PKD2L2: variants seen among roughly 807,000 people sequenced by gnomAD.
The protein encoded by PKD2L2 is polycystin 2 like 2, transient receptor potential cation channel, also known as polycystin-2-like protein 2.
In PKD2L2, 67 loss-of-function variants were observed where a neutral mutation model predicts 83.9. The observed-to-expected ratio is 0.80, with a 90% CI of 0.66 to 0.98. The LOEUF (loss-of-function observed/expected upper bound fraction) is 0.98. PKD2L2 is among the 50% of genes least tolerant of loss of function. The probability of loss-of-function intolerance (pLI) is 0.00; values close to 1 mark genes in which losing one functional copy is unlikely to be tolerated. For missense variants in PKD2L2, 632 were observed against 717.2 expected, an observed-to-expected ratio of 0.88 and a Z score of 1.36; for synonymous variants, 223 against 237.8, an observed-to-expected ratio of 0.94 and a Z score of 0.57.
At chr5:137,941,598 G>T (rs1761858461) in intron 14 of PKD2L2, among the ~76,000 whole-genome samples, 1 of 152,138 alleles carries the variant, frequency 6.6e-6, no homozygotes, top group Non-Finnish European at 1.5e-5. Flanking sequence ...ACTAGTTAAG[G>T]ATACCACTCC....
intron 8 of PKD2L2, among the ~76,000 whole-genome samples, chr5:137,909,372 A>G (rs1757620354): frequency 6.6e-6 from 1 of 151,964 alleles, no homozygotes; most frequent in African/African-American, 2.4e-5. Flanking sequence ...TCAAATTAGG[A>G]TTTGACATTG....
chr5:137,909,168 G>T (rs1312539134), intron 8 of PKD2L2, among the ~76,000 whole-genome samples: 1 of 152,134 alleles, frequency 6.6e-6, no homozygotes, highest in Non-Finnish European at 1.5e-5. Flanking sequence ...AAGTAGCTAG[G>T]ACTACAGGTG....
chr5:137,890,450 G>A (rs1403925701), intron 1 of PKD2L2, 31 bp from the exon 2 acceptor site: 1 of 1,208,620 alleles, frequency 8.3e-7, no homozygotes, highest in East Asian at 2.4e-5. Context: ...ACATAATAAT[G>A]TAAAGAAAAA....
chr5:137,936,295 C>G, intron 13 of PKD2L2, 25 bp from the exon 14 acceptor site: 6 of 1,518,674 alleles, frequency 4.0e-6, no homozygotes, highest in Non-Finnish European at 5.3e-6. Context: ...CTGACTCATT[C>G]TCTACTTCCT....
At chr5:137,922,260 G>A (rs529074576) in intron 9 of PKD2L2, among the ~76,000 whole-genome samples, 16 of 152,276 alleles carry the variant, frequency 1.1e-4, no homozygotes, top group African/African-American at 2.9e-4. Context: ...TGTCAGGCAC[G>A]GAAGTTATCC....
intron 7 of PKD2L2, among the ~76,000 whole-genome samples, chr5:137,908,133 A>C (rs151017616): frequency 2.0e-5 from 3 of 151,972 alleles, no homozygotes; most frequent in South Asian, 2.1e-4. Context: ...GGGAAATCCT[A>C]TCTCTACAAA....
chr5:137,935,843 A>C lies in PKD2L2; in HGVS notation c.1718A>C (p.Glu573Ala). 1 of 1,612,090 alleles carries C rather than the reference A, an allele frequency of 6.2e-7. No homozygotes were observed. The highest frequency in any genetic ancestry group is 8.5e-7 in the Non-Finnish European group (1 of 1,178,172). ...ATGAAAAAATGGAAAGAGAGGCTTG[A>C]GAAAAAGTATTATTCTATGGAAATT... is the stretch of plus-strand genomic sequence containing the variant. ...EQMKKWKERL[E>A]KKYYSMEIQD... Residue 573 changes from glutamate to alanine, a missense_variant, in exon 13 of 15, where the codon GAG (glutamate) becomes GCG (alanine). By Grantham distance (107) the Glu-to-Ala change is moderately radical. Transcript: ENST00000508883.
At position 137,929,288 on chromosome 5, in the gene PKD2L2, C is replaced by T. The variant is rs945008345; in HGVS notation, c.1671+3359C>T. 1.7e-3 allele frequency among the ~76,000 whole-genome samples: 258 copies of T among 151,642 alleles called. 2 individuals carry two copies. The highest frequency in any genetic ancestry group is 6.0e-3 in the African/African-American group (250 of 41,350). On this transcript the variant is annotated intron_variant, in intron 12 of 14. Transcript: ENST00000508883. ...ACCAGCCTGACAAACATGGAGAAACCCTGTCTCTACTAAAAATTAAAAATT... is the reference window on the plus strand; with the variant it reads ...ACCAGCCTGACAAACATGGAGAAACTCTGTCTCTACTAAAAATTAAAAATT...
chr5:137,935,664 G>C, intron 12 of PKD2L2, 133 bp from the exon 13 acceptor site: 3 of 601,448 alleles, frequency 5.0e-6, no homozygotes, highest in Non-Finnish European at 8.8e-6. Flanking sequence ...AGGGCAAAAA[G>C]TCAGCAGGGC....
chr5:137,918,329 C>T (rs549196045), intron 8 of PKD2L2, among the ~76,000 whole-genome samples: 1 of 152,158 alleles, frequency 6.6e-6, no homozygotes, highest in East Asian at 1.9e-4. Flanking sequence ...TCTTTAATGT[C>T]TGGATCCCAA....
At chr5:137,908,108 G>A (rs963309590) in intron 7 of PKD2L2, among the ~76,000 whole-genome samples, 196 bp downstream of exon 7, 2 of 152,120 alleles carry the variant, frequency 1.3e-5, no homozygotes, top group African/African-American at 4.8e-5. Context: ...GGCCCCAGGA[G>A]TTTGAGACCA....
chr5:137,909,263 AAGTGAAC>A (rs1757612257), intron 8 of PKD2L2, among the ~76,000 whole-genome samples: 1 of 152,028 alleles, frequency 6.6e-6, no homozygotes, highest in East Asian at 1.9e-4. Flanking sequence ...TTCTGGGTTC[AAGTGAAC>A]CTCCTGCCTC....
At chr5:137,935,415 C>G (rs1156785631) in intron 12 of PKD2L2, among the ~76,000 whole-genome samples, 1 of 152,182 alleles carries the variant, frequency 6.6e-6, no homozygotes, top group Non-Finnish European at 1.5e-5. Flanking sequence ...AAAATACCCA[C>G]AGATACACTT....
rs1389413515 is a variant in PKD2L2, at chr5:137,908,807, T to A, written c.1189T>A (p.Ser397Thr). 1 of 1,589,560 alleles carries A rather than the reference T, an allele frequency of 6.3e-7. No homozygotes were observed. Among genetic ancestry groups the A allele is most frequent in the Non-Finnish European group, 8.6e-7 (1 of 1,164,010 alleles). ...ISFNKTMSQL[S>T]STLSRCVKDI... Reference sequence around the variant, plus strand: ...CTTTAACAAGACAATGTCTCAGCTGTCATCAACCTTGTCCCGTTGTGTTAA... The same window carrying A: ...CTTTAACAAGACAATGTCTCAGCTGACATCAACCTTGTCCCGTTGTGTTAA... The change falls in exon 8 of 15, where the codon TCA becomes ACA. Residue 397 changes from serine to threonine, a missense_variant. Ser to Thr is a moderately conservative substitution (Grantham distance 58, BLOSUM62 1). Coordinates refer to ENST00000508883, the MANE Select transcript of PKD2L2 (RefSeq NM_001300921.2).
intron 8 of PKD2L2, 103 bp from the exon 9 acceptor site, chr5:137,921,533 A>G (rs1758906247): frequency 1.4e-6 from 1 of 719,602 alleles, no homozygotes; most frequent in Admixed American, 2.6e-5. Context: ...GAAAGCATAT[A>G]CCATATGCTG....
chr5:137,929,346 A>G (rs535720951), intron 12 of PKD2L2, among the ~76,000 whole-genome samples: 134 of 151,968 alleles, frequency 8.8e-4, no homozygotes, highest in African/African-American at 3.1e-3. Context: ...CTGTAATCCC[A>G]GCTACTTGGG....
At chr5:137,936,988 C>T (rs1055580477) in intron 14 of PKD2L2, among the ~76,000 whole-genome samples, 5 of 152,276 alleles carry the variant, frequency 3.3e-5, no homozygotes, top group African/African-American at 9.6e-5. Flanking sequence ...AGTGAAAGTA[C>T]AAGAAAATGC....
chr5:137,899,079 TA>T (rs374175189), intron 4 of PKD2L2, among the ~76,000 whole-genome samples: 10 of 152,304 alleles, frequency 6.6e-5, no homozygotes, highest in African/African-American at 2.4e-4. Flanking sequence ...TACTGCTTTT[TA>T]AAAAACTACT....
In PKD2L2 at chr5:137,935,305, A is replaced by G. The variant is rs140797426; in HGVS notation, c.1672-492A>G. ...TGTGGTACAAAGGGCTTGTTTTTGG[A>G]TACGTAGACAGACTGGAGTACACAC... is the stretch of plus-strand genomic sequence containing the variant. On this transcript the variant is annotated intron_variant, in intron 12 of 14. Transcript: ENST00000508883. Among the ~76,000 whole-genome samples the G allele has an allele frequency of 2.1e-4, 32 of 152,292 alleles. No individual in the cohort carries two copies. In the East Asian group the frequency reaches 2.7e-3, roughly 13 times the overall value.
Sources: allele counts gnomAD v4.1 joint callset (sites outside exome capture counted in the v4.1 genomes callset), GRCh38; gene constraint gnomAD v4.1.1; transcripts MANE v1.5; gene names NCBI Gene and HGNC (gene_info 2026-07-23, HGNC 2026-07-21).